Variants in PTCH2 observed in about 807,000 individuals in gnomAD.
PTCH2 encodes protein patched homolog 2.
PTCH2 carries 96 observed loss-of-function variants against 117.9 expected under a neutral mutation model. That is an observed-to-expected ratio of 0.81 (90% confidence interval 0.69 to 0.96). The LOEUF (loss-of-function observed/expected upper bound fraction) is 0.96, where lower values mean the gene tolerates loss of function less well. Among genes scored for constraint, PTCH2 ranks in the 50% least tolerant of loss-of-function variants. The pLI is 0.00. For missense variants in PTCH2, 1,379 were observed against 1,562.5 expected (o/e 0.88, Z 1.98); for synonymous variants, 615 against 660.9 (o/e 0.93, Z 1.06).
At position 44,827,329 on chromosome 1, in the gene PTCH2, G is replaced by A. The variant is rs781298539; in HGVS notation, c.2372-20C>T. The stretch of plus-strand genomic sequence containing the variant: ...GGATTCCTGGGGGAGACCAGGATAG[G>A]GTTCTATTAGCTGGTGGCCCCAGGG... On this transcript the variant is annotated intron_variant, in intron 15 of 21. Transcript: ENST00000372192. The A allele has an allele frequency of 4.3e-6, 7 of 1,613,722 alleles. No individual in the cohort carries two copies. The South Asian group carries it at 7.7e-5, about 18-fold the overall frequency.
At position 44,830,025 on chromosome 1, in the gene PTCH2, G is replaced by C; in HGVS notation, c.819C>G (p.Pro273=). ...SAPNHHSRQA[P]NVAHELSGGC... ...CCCCACTCAGCTCGTGAGCCACATT[G>C]GGAGCCTGGAGGGGAACAGGAGGGG... Residue 273 remains proline (P), a synonymous_variant, in exon 7 of 22, where the codon CCC becomes CCG. Coordinates refer to ENST00000372192, the MANE Select transcript of PTCH2 (RefSeq NM_003738.5). 1 of 1,614,084 alleles carries C rather than the reference G, an allele frequency of 6.2e-7. No individual in the cohort carries two copies. Among genetic ancestry groups the C allele is most frequent in the Non-Finnish European group, 8.5e-7 (1 of 1,179,992 alleles).
chr1:44,823,315 A>C lies in PTCH2; in HGVS notation c.3185T>G (p.Val1062Gly), dbSNP rs1652996959. ...AHALEHTFAP[V>G]TDGAISTLLG... The stretch of plus-strand genomic sequence containing the variant: ...CAATGTGGAGATGGCCCCATCGGTC[A>C]CGGGGGCAAATGTGTGCTCAAGGGC... Residue 1062 changes from valine (V) to glycine (G), a missense_variant, in exon 20 of 22, where the codon GTG (valine) becomes GGG (glycine). Transcript: ENST00000372192. The surrounding 1 kb of genome is among the most constrained non-coding windows in gnomAD (Gnocchi z 5.1). 1.2e-6 allele frequency: 2 copies of C among 1,614,220 alleles called. No homozygotes were observed. Among genetic ancestry groups the C allele is most frequent in the Non-Finnish European group, 1.7e-6 (2 of 1,180,020 alleles).
chr1:44,827,410 C>T lies in PTCH2; in HGVS notation c.2363G>A (p.Trp788Ter). ...GTCTCCTCGCCTCTCACCCTGTAGC[C>T]AGTTGCGGTAATAGTGCAGCCAGGT... is the stretch of plus-strand genomic sequence containing the variant. ...PRTWLHYYRN[W>*]LQGIQAAFDQ... is the part of the protein sequence containing the mutation. The change falls in exon 15 of 22, where the codon TGG (tryptophan) becomes TAG (stop). Residue 788 changes from tryptophan (W) to a stop codon, truncating the protein, a stop_gained. Transcript: ENST00000372192. LOFTEE classifies it high-confidence loss of function. The T allele has an allele frequency of 1.2e-6, 2 of 1,614,050 alleles. No individual in the cohort carries two copies. Among genetic ancestry groups the T allele is most frequent in the East Asian group, 4.5e-5 (2 of 44,876 alleles).
rs1653493396 is a variant in PTCH2 at position 44,832,310 on chromosome 1, G to A, written c.297C>T (p.Tyr99=). 6.2e-7 allele frequency: 1 copy of A among 1,614,110 alleles called. No homozygotes were observed. The highest frequency in any genetic ancestry group is 1.3e-5 in the African/African-American group (1 of 74,930). ...VGSRVSQELH[Y]TKEKLGEEAA... ...CCTCCTCCCCCAGCTTCTCCTTGGT[G>A]TAATGCAGCTCCTGGCTCACCCGGC... Residue 99 remains tyrosine (Y), a synonymous_variant, in exon 3 of 22, where the codon TAC becomes TAT. Transcript: ENST00000372192.
At chr1:44,833,839 C>A (rs1278891512) in intron 2 of PTCH2, among the ~76,000 whole-genome samples, 2 of 151,820 alleles carry the variant, frequency 1.3e-5, no homozygotes, top group African/African-American at 4.8e-5. Context: ...GCCACCGCAC[C>A]CGGCCCCAAG....
In PTCH2 at chr1:44,829,675, A is replaced by C; in HGVS notation, c.1022T>G (p.Ile341Ser). The C allele has an allele frequency of 6.2e-7, 1 of 1,614,152 alleles. No individual in the cohort carries two copies. The highest frequency in any genetic ancestry group is 1.7e-5 in the Admixed American group (1 of 60,024). ...HFRGDYQTHDIGWSEEQASTV... is the reference protein window; with the variant it reads ...HFRGDYQTHDSGWSEEQASTV... ...GCTGGCCTGCTCCTCACTCCAGCCA[A>C]TGTCATGTGTCTGATAGTCACCCCG... Residue 341 changes from isoleucine to serine, a missense_variant, in exon 8 of 22, where the codon ATT becomes AGT. Ile to Ser is a moderately radical substitution (Grantham distance 142). Transcript: ENST00000372192.
rs775777752 is a variant in PTCH2 at position 44,826,991 on chromosome 1, A to G, written c.2606T>C (p.Leu869Pro). 3 of 1,614,076 alleles carry G rather than the reference A, an allele frequency of 1.9e-6. No individual in the cohort carries two copies. The East Asian group carries it at 6.7e-5, about 36-fold the overall frequency. ...GTTGGCCTGTGAGGCTGCCAGACCC[A>G]GGGGGTCACTGCTCACCCACACGGT... ...GLTVWVSSDPLGLAASQANFY... is the reference protein window; with the variant it reads ...GLTVWVSSDPPGLAASQANFY... Residue 869 changes from leucine (L) to proline (P), a missense_variant, in exon 17 of 22, where the codon CTG becomes CCG. By Grantham distance (98) the Leu-to-Pro change is moderately conservative (BLOSUM62 -3). Coordinates refer to ENST00000372192, the MANE Select transcript of PTCH2 (RefSeq NM_003738.5). The surrounding 1 kb of genome is among the most constrained non-coding windows in gnomAD (Gnocchi z 5.1).
At chr1:44,821,385 G>T (rs538687894), downstream of PTCH2, among the ~76,000 whole-genome samples, 1 of 152,160 alleles carries the variant, frequency 6.6e-6, no homozygotes. Context: ...GACACCTCTC[G>T]GCTGTCAGGA....
chr1:44,830,191 C>A (rs1573650344), intron 6 of PTCH2, among the ~76,000 whole-genome samples, 161 bp from the exon 7 acceptor site: 1 of 152,102 alleles, frequency 6.6e-6, no homozygotes, highest in Non-Finnish European at 1.5e-5. Flanking sequence ...GAGTGAACAG[C>A]TAGTATCCCG....
chr1:44,822,295 G>C lies in PTCH2; in HGVS notation c.*120C>G. The C allele has an allele frequency of 1.3e-6, 2 of 1,590,846 alleles. No individual in the cohort carries two copies. Among genetic ancestry groups the C allele is most frequent in the Non-Finnish European group, 1.7e-6 (2 of 1,174,956 alleles). The stretch of plus-strand genomic sequence containing the variant: ...GGGAGGCCCATGACAGCTGGGTCGG[G>C]AGAGGGGATGCAGCAGCAGCAGGGC... On this transcript the variant is annotated 3_prime_UTR_variant, in exon 22 of 22. Transcript: ENST00000372192.
In PTCH2 at chr1:44,826,358, T is replaced by A. The variant is rs1653140605; in HGVS notation, c.3006A>T (p.Glu1002Asp). The A allele has an allele frequency of 6.2e-7, 1 of 1,613,706 alleles. No individual in the cohort carries two copies. The highest frequency in any genetic ancestry group is 2.2e-5 in the East Asian group (1 of 44,868). The change falls in exon 19 of 22, where the codon GAA (glutamate) becomes GAT (aspartate). Residue 1002 changes from glutamate (E) to aspartate (D), a missense_variant. By Grantham distance (45) the Glu-to-Asp change is conservative. Transcript: ENST00000372192. The surrounding 1 kb of genome is among the most constrained non-coding windows in gnomAD (Gnocchi z 5.1). Reference protein sequence around the residue: ...IVLVLAMMTVELFGIMGFLGI... With the variant: ...IVLVLAMMTVDLFGIMGFLGI... ...CCAGGAAACCCATGATACCAAAGAGTTCCACTGTCATCATCGCCAGGACCA... is the reference window on the plus strand; with the variant it reads ...CCAGGAAACCCATGATACCAAAGAGATCCACTGTCATCATCGCCAGGACCA...
Position 44,830,995 on chromosome 1 carries a change from C to T in PTCH2, c.666G>A (p.Leu222=), listed in dbSNP as rs963826731. ...GGGAGGCAAAGGGACCCAGCTCCTC[C>T]AGCAGCTGCTCTGGATCCAGGTTGG... ...QWTNLDPEQL[L]EELGPFASLE... Residue 222 remains leucine (L), a synonymous_variant, in exon 6 of 22, where the codon CTG becomes CTA. Transcript: ENST00000372192. The T allele has an allele frequency of 1.9e-6, 3 of 1,612,334 alleles. No individual in the cohort carries two copies. The African/African-American group carries it at 4.0e-5, about 22-fold the overall frequency.
downstream of PTCH2, chr1:44,819,944 A>G (rs1026057568): frequency 6.5e-6 from 1 of 153,372 alleles, no homozygotes; most frequent in Non-Finnish European, 1.5e-5. Context: ...CTCTCCACGG[A>G]AATCTTTAGT....
Position 44,840,724 on chromosome 1 carries a change from A to C in PTCH2, c.265+1123T>G, listed in dbSNP as rs538869862. On this transcript the variant is annotated intron_variant, in intron 2 of 21. Transcript: ENST00000372192. ...TGAGACTCTGTCTCAAAAAAAAAAC[A>C]AAAAACCAAAAACCCAAAAATTATC... Among the ~76,000 whole-genome samples, 15 of 150,394 alleles carry C rather than the reference A, an allele frequency of 1.0e-4. 1 individual carries two copies. The Middle Eastern group carries it at 0.01, about 102-fold the overall frequency.
downstream of PTCH2, chr1:44,820,583 G>A (rs1018871281): frequency 1.8e-4 from 124 of 681,060 alleles, no homozygotes; most frequent in African/African-American, 2.1e-3. Context: ...GTTCTAGGCA[G>A]AGGGAATGGC....
At chr1:44,834,245 G>A (rs1217600169) in intron 2 of PTCH2, among the ~76,000 whole-genome samples, 7 of 151,528 alleles carry the variant, frequency 4.6e-5, no homozygotes, top group South Asian at 4.2e-4. Context: ...TCAGCCTCCC[G>A]AGTAGTTGGG....
chr1:44,820,197 A>T, downstream of PTCH2: 1 of 358,490 alleles, frequency 2.8e-6, no homozygotes, highest in Non-Finnish European at 5.6e-6. Flanking sequence ...TTCGTGGTGC[A>T]CCATGGGTAT....
chr1:44,830,421 T>G (rs1039124243), intron 6 of PTCH2, among the ~76,000 whole-genome samples: 1 of 151,838 alleles, frequency 6.6e-6, no homozygotes, highest in African/African-American at 2.4e-5. Flanking sequence ...GGCTCACGCC[T>G]GTAATCCCAG....
downstream of PTCH2, chr1:44,820,255 T>C: frequency 2.4e-6 from 1 of 408,742 alleles, no homozygotes; most frequent in South Asian, 1.7e-5. Flanking sequence ...GGGGAAGCCA[T>C]GGGTCACTGA....
Sources: allele counts gnomAD v4.1 joint callset (sites outside exome capture counted in the v4.1 genomes callset), GRCh38; gene constraint gnomAD v4.1.1; non-coding constraint Gnocchi (gnomAD v3.1); transcripts MANE v1.5; gene names NCBI Gene and HGNC (gene_info 2026-07-23, HGNC 2026-07-21).